YAE1: variants seen among roughly 807,000 people sequenced by gnomAD.
YAE1 encodes the protein YAE1 maturation factor of ABCE1, also known as protein YAE1 homolog.
A neutral mutation model predicts 23.0 loss-of-function variants in YAE1; 22 were observed. That is an observed-to-expected ratio of 0.96 (90% CI 0.68 to 1.37). YAE1 has a LOEUF of 1.37. YAE1 is among the 40% of genes most tolerant of loss of function. The pLI, the probability that YAE1 is intolerant of heterozygous loss-of-function variation, is 0.00. For synonymous variants in YAE1, 101 were observed against 97.0 expected, an observed-to-expected ratio of 1.04 and a Z score of -0.24; for missense variants, 260 against 262.1, an observed-to-expected ratio of 0.99 and a Z score of 0.06.
At chr7:39,570,793 A>T in intron 2 of YAE1, 166 bp downstream of exon 2, 2 of 779,760 alleles carry the variant, frequency 2.6e-6, no homozygotes, top group Non-Finnish European at 3.8e-6. Flanking sequence ...CAAAATCTTT[A>T]TCAGCTCATC....
intron 2 of YAE1, among the ~76,000 whole-genome samples, chr7:39,581,143 A>G (rs537919732): frequency 4.3e-4 from 66 of 152,346 alleles, no homozygotes; most frequent in African/African-American, 1.4e-3. Flanking sequence ...CTACTCAAAT[A>G]TATCACAACT....
intron 1 of YAE1, 91 bp from the exon 2 acceptor site, chr7:39,570,415 A>G (rs1790546745): frequency 6.7e-7 from 1 of 1,492,472 alleles, no homozygotes; most frequent in Non-Finnish European, 9.1e-7. Context: ...GGCCTAATTC[A>G]TCTGCTTTCT....
At chr7:39,609,518 A>C (rs1392697765) in intron 2 of YAE1, 2 of 1,440,108 alleles carry the variant, frequency 1.4e-6, no homozygotes, top group Non-Finnish European at 1.8e-6. Context: ...TAAGTTTATC[A>C]GAAAATGATG....
chr7:39,596,644 T>C (rs1020486874), intron 2 of YAE1, among the ~76,000 whole-genome samples: 1 of 152,190 alleles, frequency 6.6e-6, no homozygotes, highest in Non-Finnish European at 1.5e-5. Context: ...TCAGGCACCA[T>C]TTTCTGTGCT....
At chr7:39,609,681 C>A (rs1380722923) in exon 3 of YAE1, 1 of 1,535,714 alleles carries the variant, frequency 6.5e-7, no homozygotes, top group South Asian at 1.2e-5. Flanking sequence ...GGTTGGGACG[C>A]AACTACTGCC....
At chr7:39,571,571 G>A (rs1486134578) in intron 2 of YAE1, among the ~76,000 whole-genome samples, 1 of 152,146 alleles carries the variant, frequency 6.6e-6, no homozygotes. Context: ...GGAAAACAAT[G>A]TGAATATTCA....
intron 2 of YAE1, among the ~76,000 whole-genome samples, chr7:39,584,142 AC>A (rs1790781348): frequency 6.6e-6 from 1 of 151,924 alleles, no homozygotes; most frequent in South Asian, 2.1e-4. Flanking sequence ...ACCACCCCCC[AC>A]CCCATTATTA....
At position 39,568,163 on chromosome 7, in the gene YAE1, G is replaced by A. The variant is rs367698474; in HGVS notation, c.129+1616G>A. On this transcript the variant is annotated intron_variant, in intron 1 of 2. Transcript: ENST00000223273. Reference sequence around the variant, plus strand: ...TGAGGCAGAAGAATCACTTGAATCCGGGAGGCAGAGGTTGCAGTGAGCTGA... The same window carrying A: ...TGAGGCAGAAGAATCACTTGAATCCAGGAGGCAGAGGTTGCAGTGAGCTGA... Among the ~76,000 whole-genome samples, 9 of 152,112 alleles carry A rather than the reference G, an allele frequency of 5.9e-5. No homozygotes were observed. In the South Asian group the frequency reaches 1.5e-3, roughly 25 times the overall value.
intron 1 of YAE1, among the ~76,000 whole-genome samples, chr7:39,567,903 A>G (rs1304641515): frequency 6.6e-6 from 1 of 152,204 alleles, no homozygotes; most frequent in Non-Finnish European, 1.5e-5. Flanking sequence ...GGTGAAAACT[A>G]TGTATGCCCT....
rs1790591977 is a variant in YAE1 at position 39,572,647 on chromosome 7, A to T, written c.622A>T (p.Ser208Cys). 1.2e-6 allele frequency: 2 copies of T among 1,613,474 alleles called. No individual in the cohort carries two copies. The highest frequency in any genetic ancestry group is 2.2e-5 in the South Asian group (2 of 90,914). ...CACATGGATTTTGGAACAGACAGCC[A>T]GTTTAGTTAAACAGCTGGGCCTATC... Reference protein sequence around the residue: ...SPTWILEQTASLVKQLGLSVD... With the variant: ...SPTWILEQTACLVKQLGLSVD... The change falls in exon 3 of 3, where the codon AGT becomes TGT. Residue 208 changes from serine (S) to cysteine (C), a missense_variant. By Grantham distance (112) the Ser-to-Cys change is moderately radical. Coordinates refer to ENST00000223273, the MANE Select transcript of YAE1 (RefSeq NM_020192.5).
At chr7:39,608,158 TTATAAAGG>T (rs1303110448) in intron 2 of YAE1, among the ~76,000 whole-genome samples, 4 of 152,210 alleles carry the variant, frequency 2.6e-5, no homozygotes, top group Non-Finnish European at 5.9e-5. Flanking sequence ...GGTGCCATTG[TTATAAAGG>T]TATAAAGGTA....
chr7:39,596,609 A>G (rs1397059128), intron 2 of YAE1, among the ~76,000 whole-genome samples: 2 of 152,048 alleles, frequency 1.3e-5, no homozygotes, highest in African/African-American at 4.8e-5. Flanking sequence ...CAACTTTCCT[A>G]ACCCTGTTTA....
At chr7:39,600,989 C>T (rs544285685) in intron 2 of YAE1, among the ~76,000 whole-genome samples, 11 of 152,184 alleles carry the variant, frequency 7.2e-5, no homozygotes, top group Non-Finnish European at 1.2e-4. Flanking sequence ...GGCAACCCTA[C>T]CAAACTAAGA....
At chr7:39,599,523 T>G (rs1023098804) in intron 2 of YAE1, among the ~76,000 whole-genome samples, 1 of 151,966 alleles carries the variant, frequency 6.6e-6, no homozygotes, top group African/African-American at 2.4e-5. Context: ...TATAGGCATG[T>G]GCCACCACGC....
At chr7:39,599,100 C>A (rs1202287496) in intron 2 of YAE1, among the ~76,000 whole-genome samples, 2 of 151,532 alleles carry the variant, frequency 1.3e-5, no homozygotes, top group African/African-American at 4.9e-5. Flanking sequence ...ACTGGCGAGG[C>A]GAGGTGGTGC....
chr7:39,589,838 G>A (rs1014282490), intron 2 of YAE1, among the ~76,000 whole-genome samples: 1 of 152,208 alleles, frequency 6.6e-6, no homozygotes, highest in South Asian at 2.1e-4. Context: ...TCGCATTTAG[G>A]AAACTGTGGT....
intron 2 of YAE1, among the ~76,000 whole-genome samples, chr7:39,582,112 T>A (rs892440467): frequency 2.0e-5 from 3 of 151,832 alleles, no homozygotes; most frequent in African/African-American, 7.3e-5. Flanking sequence ...TAGGTAGTTC[T>A]GATTAGTACT....
In YAE1 at chr7:39,608,699, G is replaced by T. The variant is rs545283643; in HGVS notation, c.252-918G>T. Among the ~76,000 whole-genome samples, 3 of 152,218 alleles carry T rather than the reference G, an allele frequency of 2.0e-5. No individual in the cohort carries two copies. In the South Asian group the frequency reaches 6.2e-4, roughly 32 times the overall value. ...CTAAACAAAATTTTACATTTTCTAG[G>T]ATTTCATTCTATATTACAGAAGTTT... On this transcript the variant is annotated intron_variant, in intron 2 of 2. Transcript: ENST00000432096.
chr7:39,569,745 G>A (rs759357921), intron 1 of YAE1: 122 of 744,266 alleles, frequency 1.6e-4, no homozygotes, highest in Non-Finnish European at 2.7e-4. Context: ...GAGTGCTGAC[G>A]TACTACTCAT....
Sources: allele counts gnomAD v4.1 joint callset (sites outside exome capture counted in the v4.1 genomes callset), GRCh38; gene constraint gnomAD v4.1.1; transcripts MANE v1.5; gene names NCBI Gene and HGNC (gene_info 2026-07-23, HGNC 2026-07-21).